ZBBX: variants seen among roughly 807,000 people sequenced by gnomAD.
ZBBX encodes the protein zinc finger B-box domain containing.
ZBBX carries 101 observed loss-of-function variants against 108.5 expected under a neutral mutation model. The observed-to-expected ratio is 0.93, with a 90% confidence interval of 0.79 to 1.10. ZBBX has a LOEUF of 1.10. Among genes scored for constraint, ZBBX ranks in the 50% least tolerant of loss-of-function variants. ZBBX has a pLI of 0.00. For synonymous variants in ZBBX, 356 were observed against 323.4 expected, an observed-to-expected ratio of 1.10 and a Z score of -1.08; for missense variants, 1,009 against 941.4, an observed-to-expected ratio of 1.07 and a Z score of -0.94.
At chr3:167,290,428 C>T (rs565924895) in intron 18 of ZBBX, among the ~76,000 whole-genome samples, 1 of 152,302 alleles carries the variant, frequency 6.6e-6, no homozygotes, top group East Asian at 1.9e-4. Flanking sequence ...TAGAGTGGAA[C>T]TCCAGCAAAC....
chr3:167,216,820 C>A, the ZBBX span, among the ~76,000 whole-genome samples: 1 of 152,008 alleles, frequency 6.6e-6, no homozygotes, highest in Non-Finnish European at 1.5e-5. Context: ...TAAGGCTGCA[C>A]GTCTATGATC....
chr3:167,403,572 A>G (rs903665987), intron 1 of ZBBX, among the ~76,000 whole-genome samples: 13 of 152,154 alleles, frequency 8.5e-5, no homozygotes, highest in South Asian at 6.2e-4. Flanking sequence ...ACACTTCACT[A>G]TTTAAAATGA....
Position 167,288,977 on chromosome 3 carries a change from C to T in ZBBX, c.1886G>A (p.Arg629Lys), listed in dbSNP as rs550112607. 1 of 1,528,172 alleles carries T rather than the reference C, an allele frequency of 6.5e-7. No homozygotes were observed. Among genetic ancestry groups the T allele is most frequent in the South Asian group, 1.3e-5 (1 of 79,612 alleles). 94.7% of individuals were successfully genotyped at this position (1,528,172 alleles called of 1,614,324 possible). ...TAAGCTATGGTCTGGAATCCATTCT[C>T]TGTCTTCTGAAATTGAAAAACAGTA... ...SSTRITLAED[R>K]EWIPDHSLSE... The change falls in exon 19 of 22, where the codon AGA becomes AAA. Residue 629 changes from arginine to lysine, a missense_variant. By Grantham distance (26) the Arg-to-Lys change is conservative (BLOSUM62 2). Transcript: ENST00000675490.
chr3:167,210,541 T>A, the ZBBX span, among the ~76,000 whole-genome samples: 1 of 152,138 alleles, frequency 6.6e-6, no homozygotes, highest in Non-Finnish European at 1.5e-5. Flanking sequence ...GAAAGATCAA[T>A]GTTCAAGTAT....
At chr3:167,277,908 C>G (rs1034923257) in intron 20 of ZBBX, among the ~76,000 whole-genome samples, 6 of 151,682 alleles carry the variant, frequency 4.0e-5, no homozygotes, top group African/African-American at 9.7e-5. Context: ...TCTCTCAGAC[C>G]ACAGTGCAAT....
At chr3:167,229,164 C>T in the ZBBX span, among the ~76,000 whole-genome samples, 2 of 151,644 alleles carry the variant, frequency 1.3e-5, no homozygotes, top group Non-Finnish European at 3.0e-5. Context: ...ATGAGAAGCC[C>T]CCAAAGACAA....
At chr3:167,203,693 C>G in the ZBBX span, among the ~76,000 whole-genome samples, 1 of 152,012 alleles carries the variant, frequency 6.6e-6, no homozygotes, top group Admixed American at 6.6e-5. Context: ...CTACAATAAC[C>G]TATCTTTATA....
At chr3:167,197,373 C>T in the ZBBX span, among the ~76,000 whole-genome samples, 1 of 151,900 alleles carries the variant, frequency 6.6e-6, no homozygotes, top group Non-Finnish European at 1.5e-5. Flanking sequence ...CCCATCTCTA[C>T]TAAAAATACA....
chr3:167,371,434 T>C (rs551703127), intron 4 of ZBBX, among the ~76,000 whole-genome samples: 2 of 152,296 alleles, frequency 1.3e-5, no homozygotes, highest in East Asian at 1.9e-4. Flanking sequence ...TTGAGCCATG[T>C]TCTCTCCTAG....
chr3:167,204,267 T>A, the ZBBX span, among the ~76,000 whole-genome samples: 2 of 149,098 alleles, frequency 1.3e-5, no homozygotes, highest in Non-Finnish European at 3.0e-5. Flanking sequence ...ATACTCTAAG[T>A]TTTAGGGTAC....
At chr3:167,317,358 A>C in intron 13 of ZBBX, 130 bp downstream of exon 13, 1 of 721,908 alleles carries the variant, frequency 1.4e-6, no homozygotes, top group Non-Finnish European at 2.2e-6. Flanking sequence ...TTTCATCTAA[A>C]GAGAAAAGAT....
chr3:167,266,771 T>G (rs771922113), intron 20 of ZBBX, among the ~76,000 whole-genome samples: 2 of 152,124 alleles, frequency 1.3e-5, no homozygotes, highest in African/African-American at 4.8e-5. Context: ...TATATTCGAG[T>G]GCTGTTTCTT....
chr3:167,246,854 T>C (rs1435320716), intron 20 of ZBBX, among the ~76,000 whole-genome samples: 2 of 152,202 alleles, frequency 1.3e-5, no homozygotes, highest in African/African-American at 4.8e-5. Flanking sequence ...GTGGAAGGAA[T>C]AGTAAGTGGC....
chr3:167,344,986 T>G (rs1358505439), intron 9 of ZBBX, among the ~76,000 whole-genome samples: 6 of 151,872 alleles, frequency 4.0e-5, no homozygotes, highest in African/African-American at 1.4e-4. Context: ...AGGAAAAGCT[T>G]TTGTTAACCC....
intron 20 of ZBBX, among the ~76,000 whole-genome samples, chr3:167,281,522 TG>T (rs1728813521): frequency 6.6e-6 from 1 of 152,218 alleles, no homozygotes; most frequent in South Asian, 2.1e-4. Context: ...GCCTGTCTCC[TG>T]TATCTGCAGC....
intron 2 of ZBBX, among the ~76,000 whole-genome samples, chr3:167,374,305 T>C (rs889955448): frequency 3.9e-5 from 6 of 152,102 alleles, no homozygotes; most frequent in African/African-American, 1.4e-4. Flanking sequence ...CAAAAAGGAT[T>C]TTCTGCTTAA....
chr3:167,233,131 T>C, the ZBBX span, among the ~76,000 whole-genome samples: 372 of 151,850 alleles, frequency 2.4e-3, 1 homozygote, highest in Non-Finnish European at 4.2e-3. Context: ...AAAAACTGCC[T>C]TAAGTCATAA....
intron 20 of ZBBX, among the ~76,000 whole-genome samples, chr3:167,269,813 C>T (rs10936526): frequency 0.069 from 10,494 of 152,274 alleles, 452 homozygotes; most frequent in Non-Finnish European, 0.097. Flanking sequence ...ACACTATTCT[C>T]AGTAAAATTC....
At chr3:167,316,150 C>T (rs114452432) in intron 14 of ZBBX, among the ~76,000 whole-genome samples, 2,503 of 152,132 alleles carry the variant, frequency 0.016, 71 homozygotes, top group African/African-American at 0.058. Context: ...CATAAACTTA[C>T]GCTGTGTATC....
Sources: gnomAD v4.1 joint callset for allele counts (sites outside exome capture counted in the v4.1 genomes callset) on GRCh38, gnomAD v4.1.1 for gene constraint, MANE v1.5 for transcripts, NCBI Gene and HGNC (gene_info 2026-07-23, HGNC 2026-07-21) for gene names.